APBA1: variants seen among roughly 807,000 people sequenced by gnomAD.
APBA1 encodes amyloid-beta A4 precursor protein-binding family A member 1.
A neutral mutation model predicts 86.6 loss-of-function variants in APBA1; 55 were observed. The ratio of observed to expected loss-of-function variants is 0.64; its 90% CI spans 0.51 to 0.80. The LOEUF (loss-of-function observed/expected upper bound fraction) is 0.80. APBA1 is among the 30% of genes least tolerant of loss of function. The pLI is 0.00. For synonymous variants in APBA1, 511 were observed against 493.9 expected (o/e 1.03, Z -0.46); for missense variants, 1,090 against 1,183.0 (o/e 0.92, Z 1.15).
At position 69,506,265 on chromosome 9, in the gene APBA1, G is replaced by C. The variant is rs192559217; in HGVS notation, c.1200+9746C>G. ...GCATTTCCTCACTTGGGAAGTGCAA[G>C]GGGTCAGGGAGTTCCCTTTCTGAGT... On this transcript the variant is annotated intron_variant, in intron 2 of 12. Coordinates refer to ENST00000265381, the MANE Select transcript of APBA1 (RefSeq NM_001163.4). 3.4e-3 allele frequency among the ~76,000 whole-genome samples: 512 copies of C among 151,684 alleles called. 4 individuals are homozygous for C. The highest frequency in any genetic ancestry group is 0.012 in the African/African-American group (477 of 41,262).
intron 1 of APBA1, among the ~76,000 whole-genome samples, chr9:69,649,761 A>C (rs1469924931): frequency 6.6e-6 from 1 of 152,088 alleles, no homozygotes; most frequent in African/African-American, 2.4e-5. Flanking sequence ...AACAAGAGTC[A>C]GTTTTTCAGG....
intron 2 of APBA1, among the ~76,000 whole-genome samples, chr9:69,483,545 A>G (rs975342318): frequency 6.6e-6 from 1 of 152,174 alleles, no homozygotes; most frequent in Non-Finnish European, 1.5e-5. Flanking sequence ...AAACAAAAAA[A>G]TCTTTTCCAA....
At chr9:69,587,530 AT>A (rs1588379721) in intron 1 of APBA1, among the ~76,000 whole-genome samples, 1 of 152,228 alleles carries the variant, frequency 6.6e-6, no homozygotes, top group Non-Finnish European at 1.5e-5. Flanking sequence ...TCCTGAGCAC[AT>A]GAGAAAATGA....
Position 69,430,239 on chromosome 9 carries a change from A to G in APBA1, c.*1088T>C, listed in dbSNP as rs186544454. 2 of 152,396 alleles carry G rather than the reference A, an allele frequency of 1.3e-5. No individual in the cohort carries two copies. The highest frequency in any genetic ancestry group is 2.4e-5 in the African/African-American group (1 of 41,590). The allele number at this position is 152,396 out of a possible 1,614,324, so 9.4% of individuals were successfully genotyped here. On this transcript the variant is annotated 3_prime_UTR_variant, in exon 13 of 13. Transcript: ENST00000265381. ...GCCTTGGGCCAGAAAACAAGACGCA[A>G]TTGCACCTGCAGCTTGCCTTCTTGG...
chr9:69,561,197 C>T (rs1000069997), intron 1 of APBA1, among the ~76,000 whole-genome samples: 1 of 152,060 alleles, frequency 6.6e-6, no homozygotes, highest in African/African-American at 2.4e-5. Flanking sequence ...AAGGCTTGCC[C>T]CAGAACGTAA....
intron 1 of APBA1, among the ~76,000 whole-genome samples, chr9:69,666,394 C>T (rs1196908901): frequency 6.6e-6 from 1 of 151,964 alleles, no homozygotes; most frequent in Non-Finnish European, 1.5e-5. Context: ...TCACCCCCCA[C>T]CCACCCACTA....
intron 4 of APBA1, among the ~76,000 whole-genome samples, chr9:69,468,434 C>G (rs1032203125): frequency 6.6e-6 from 1 of 152,160 alleles, no homozygotes; most frequent in Non-Finnish European, 1.5e-5. Context: ...CTTGCCCCCC[C>G]CCATTCATAT....
Position 69,432,660 on chromosome 9 carries a change from C to T in APBA1, c.2318G>A (p.Arg773Gln), listed in dbSNP as rs766940707. The stretch of plus-strand genomic sequence containing the variant: ...GCCTCCTCTCTCAGCTATTCCCCCT[C>T]GCATGAGGCTGCAGATCTGCCAGAG... ...VQNGIICSLM[R>Q]GGIAERGGVR... The change falls in exon 12 of 13, where the codon CGA becomes CAA. Residue 773 changes from arginine to glutamine, a missense_variant. By Grantham distance (43) the Arg-to-Gln change is conservative (BLOSUM62 1). Coordinates refer to ENST00000265381, the MANE Select transcript of APBA1 (RefSeq NM_001163.4). 5 of 1,591,346 alleles carry T rather than the reference C, an allele frequency of 3.1e-6. No homozygotes were observed. Among genetic ancestry groups the T allele is most frequent in the East Asian group, 2.3e-5 (1 of 43,058 alleles).
intron 1 of APBA1, among the ~76,000 whole-genome samples, chr9:69,656,622 T>G (rs541175666): frequency 1.8e-4 from 27 of 152,314 alleles, no homozygotes; most frequent in African/African-American, 6.3e-4. Flanking sequence ...CCAGAAAATG[T>G]TCTATGTCTT....
intron 1 of APBA1, among the ~76,000 whole-genome samples, chr9:69,573,669 C>A (rs1588371917): frequency 6.6e-6 from 1 of 152,276 alleles, no homozygotes; most frequent in African/African-American, 2.4e-5. Flanking sequence ...TCATGTCTTC[C>A]CCTGCAAAAC....
At chr9:69,522,672 A>G (rs1423837283) in intron 1 of APBA1, among the ~76,000 whole-genome samples, 1 of 152,228 alleles carries the variant, frequency 6.6e-6, no homozygotes, top group Non-Finnish European at 1.5e-5. Context: ...AGTTAAAACA[A>G]TGACAACAAT....
At chr9:69,489,930 A>G (rs974390938) in intron 2 of APBA1, among the ~76,000 whole-genome samples, 5 of 152,158 alleles carry the variant, frequency 3.3e-5, no homozygotes, top group East Asian at 1.9e-4. Flanking sequence ...TTCCTCAGGG[A>G]TCTAGAACTA....
At chr9:69,626,791 A>G (rs1053517495) in intron 1 of APBA1, among the ~76,000 whole-genome samples, 1 of 152,078 alleles carries the variant, frequency 6.6e-6, no homozygotes, top group Admixed American at 6.6e-5. Flanking sequence ...GCACATTGCT[A>G]TCCACAAAAG....
intron 5 of APBA1, chr9:69,462,377 G>C (rs1835204985): frequency 6.6e-6 from 1 of 152,240 alleles, no homozygotes; most frequent in Non-Finnish European, 1.5e-5. Context: ...TCTCTAGAAA[G>C]GGGTAGGCAT....
intron 1 of APBA1, among the ~76,000 whole-genome samples, chr9:69,624,740 G>A (rs7874873): frequency 0.89 from 135,400 of 152,224 alleles, 61,272 homozygotes; most frequent in East Asian, 1. Context: ...TTGAGCAAGG[G>A]TTTTAAAACA....
chr9:69,665,023 G>A (rs1277098281), intron 1 of APBA1, among the ~76,000 whole-genome samples: 1 of 152,206 alleles, frequency 6.6e-6, no homozygotes, highest in Non-Finnish European at 1.5e-5. Flanking sequence ...CAAATACACT[G>A]ACAGTTTCCC....
At chr9:69,577,256 T>C (rs1353686928) in intron 1 of APBA1, among the ~76,000 whole-genome samples, 1 of 152,250 alleles carries the variant, frequency 6.6e-6, no homozygotes, top group African/African-American at 2.4e-5. Flanking sequence ...AATAATTTTA[T>C]TGAGTAAATA....
chr9:69,656,928 C>T (rs1018297102), intron 1 of APBA1, among the ~76,000 whole-genome samples: 6 of 150,342 alleles, frequency 4.0e-5, no homozygotes, highest in African/African-American at 1.2e-4. Context: ...TCACTGCAAG[C>T]TCCGCTTCCC....
intron 2 of APBA1, 30 bp from the exon 3 acceptor site, chr9:69,476,173 G>A (rs201454890): frequency 5.2e-6 from 8 of 1,527,150 alleles, no homozygotes; most frequent in Non-Finnish European, 7.2e-6. Flanking sequence ...AACACAGTGA[G>A]AACTTGAGAG....
Sources: gnomAD v4.1 joint callset for allele counts (sites outside exome capture counted in the v4.1 genomes callset) on GRCh38, gnomAD v4.1.1 for gene constraint, MANE v1.5 for transcripts, NCBI Gene and HGNC (gene_info 2026-07-23, HGNC 2026-07-21) for gene names.